The following ESR2 variants were observed in gnomAD, a reference collection of about 807,000 sequenced individuals.
The protein encoded by ESR2 is estrogen receptor 2, also known as estrogen receptor beta.
Under a neutral mutation model 49.6 loss-of-function variants are expected in ESR2, and 36 were observed. The ratio of observed to expected loss-of-function variants is 0.73; its 90% CI spans 0.56 to 0.96. The LOEUF (loss-of-function observed/expected upper bound fraction) is 0.96. ESR2 is among the 40% of genes least tolerant of loss of function. ESR2 has a pLI of 0.00. For synonymous variants in ESR2, 320 were observed against 266.1 expected (o/e 1.20, Z -1.97); for missense variants, 714 against 693.0 (o/e 1.03, Z -0.34).
At chr14:64,268,763 C>A in intron 4 of ESR2, 32 bp downstream of exon 4, 1 of 1,275,382 alleles carries the variant, frequency 7.8e-7, no homozygotes, top group Non-Finnish European at 1.1e-6. Flanking sequence ...TAGCAAGGCC[C>A]ATATTCAATA....
chr14:64,277,962 G>C (rs990896466), intron 3 of ESR2, among the ~76,000 whole-genome samples: 1 of 109,890 alleles, frequency 9.1e-6, no homozygotes, highest in East Asian at 2.7e-4. Context: ...GCAGACCAAT[G>C]TTTCCCCAAA....
At position 64,233,687 on chromosome 14, in the gene ESR2, C is replaced by T. The variant is rs543100206; in HGVS notation, c.1407-364G>A. On this transcript the variant is annotated intron_variant, in intron 8 of 8. Transcript: ENST00000341099. ...AAGCCTCTGGCCACATCTTCATCAG[C>T]TGATCAATACAAAACCTTGTTTTAT... 15 of 220,990 alleles carry T rather than the reference C, an allele frequency of 6.8e-5. No homozygotes were observed. In the South Asian group the frequency reaches 1.6e-3, roughly 23 times the overall value. The allele number at this position is 220,990 out of a possible 1,614,324, so 13.7% of individuals were successfully genotyped here. A position where few individuals can be genotyped will look rare whatever the true frequency, so the allele number is the denominator to read the frequency against.
rs895856972 is a variant in ESR2, at chr14:64,262,109, A to G, written c.653-1361T>C. ...ATTTATATGCTTGTTCTTTGGATTT[A>G]CTTTTTTTTTTTTTTTTTTAAGAGA... On this transcript the variant is annotated intron_variant, in intron 4 of 8. Coordinates refer to ENST00000341099, the MANE Select transcript of ESR2 (RefSeq NM_001437.3). Among the ~76,000 whole-genome samples the G allele has an allele frequency of 2.1e-5, 3 of 140,320 alleles. No individual in the cohort carries two copies. In the South Asian group the frequency reaches 6.6e-4, roughly 31 times the overall value. 92.1% of individuals were successfully genotyped at this position (140,320 alleles called of 152,430 possible). A position where few individuals can be genotyped will look rare whatever the true frequency, so the allele number is the denominator to read the frequency against.
chr14:64,286,827 C>G (rs900244958), intron 1 of ESR2, among the ~76,000 whole-genome samples: 3 of 152,036 alleles, frequency 2.0e-5, no homozygotes, highest in Non-Finnish European at 2.9e-5. Context: ...GGCGATTCCC[C>G]TGCCTCAGCC....
chr14:64,246,734 C>CAAAAAAAAAAACAA (rs2075864644), intron 7 of ESR2, among the ~76,000 whole-genome samples: 1 of 36,434 alleles, frequency 2.7e-5, no homozygotes, highest in Non-Finnish European at 4.5e-5. Flanking sequence ...AAGACTCTGT[C>CAAAAAAAAAAACAA]AAAAAAAAAA....
intron 6 of ESR2, among the ~76,000 whole-genome samples, chr14:64,252,241 G>T (rs2076002503): frequency 1.3e-5 from 2 of 151,792 alleles, no homozygotes; most frequent in Admixed American, 1.3e-4. Context: ...GAGGCCAGGA[G>T]CCCAAGGTTG....
At chr14:64,282,404 T>A (rs1567775009) in intron 2 of ESR2, among the ~76,000 whole-genome samples, 1 of 152,208 alleles carries the variant, frequency 6.6e-6, no homozygotes, top group Non-Finnish European at 1.5e-5. Flanking sequence ...ATAGTCATGA[T>A]AGCAAATTCT....
intron 1 of ESR2, among the ~76,000 whole-genome samples, chr14:64,322,779 T>C (rs1332360097): frequency 6.6e-6 from 1 of 152,208 alleles, no homozygotes; most frequent in African/African-American, 2.4e-5. Flanking sequence ...CTCATATTTG[T>C]CAATTAATCC....
At chr14:64,319,026 G>A (rs1177271558) in intron 1 of ESR2, among the ~76,000 whole-genome samples, 3 of 151,678 alleles carry the variant, frequency 2.0e-5, no homozygotes, top group Admixed American at 2.0e-4. Context: ...TCCAGCCCTG[G>A]TGAAAGAGAG....
In ESR2 at chr14:64,231,880, T is replaced by A. The variant is rs2098727572; in HGVS notation, c.*1257A>T. On this transcript the variant is annotated 3_prime_UTR_variant, in exon 9 of 9. Coordinates refer to ENST00000341099, the MANE Select transcript of ESR2 (RefSeq NM_001437.3). ...GTCATTTCAGAGGTGCCCTTCTTCA[T>A]GTCCTATTTATGTTCCACTTGGAAT... The A allele has an allele frequency of 6.6e-6, 1 of 152,228 alleles. No homozygotes were observed. 9.4% of individuals were successfully genotyped at this position (152,228 alleles called of 1,614,324 possible). A position where few individuals can be genotyped will look rare whatever the true frequency, so the allele number is the denominator to read the frequency against.
intron 1 of ESR2, among the ~76,000 whole-genome samples, chr14:64,309,920 A>C (rs1418458887): frequency 6.6e-6 from 1 of 151,854 alleles, no homozygotes; most frequent in East Asian, 1.9e-4. Flanking sequence ...CGCCGTCTCT[A>C]ATAAAAATAC....
At chr14:64,252,889 C>T (rs1325273954) in intron 6 of ESR2, among the ~76,000 whole-genome samples, 3 of 152,146 alleles carry the variant, frequency 2.0e-5, no homozygotes, top group East Asian at 1.9e-4. Context: ...AGGGTCTCAC[C>T]CCGATGCCCA....
At position 64,230,768 on chromosome 14, in the gene ESR2, A is replaced by C. The variant is rs2098726401; in HGVS notation, c.*2369T>G. 6.6e-6 allele frequency: 1 copy of C among 150,980 alleles called. No individual in the cohort carries two copies. The highest frequency in any genetic ancestry group is 2.4e-5 in the African/African-American group (1 of 40,980). The allele number at this position is 150,980 out of a possible 1,614,324, so 9.4% of individuals were successfully genotyped here. A position where few individuals can be genotyped will look rare whatever the true frequency, so the allele number is the denominator to read the frequency against. The stretch of plus-strand genomic sequence containing the variant: ...AAACTCACTGTGCGGCGCTCCTGAT[A>C]CTGCCCACTCGAGGCTCTAAAGGGA... On this transcript the variant is annotated 3_prime_UTR_variant, in exon 9 of 9. Coordinates refer to ENST00000341099, the MANE Select transcript of ESR2 (RefSeq NM_001437.3).
At chr14:64,335,443 T>A (rs1244830764) in intron 1 of ESR2, among the ~76,000 whole-genome samples, 4 of 152,228 alleles carry the variant, frequency 2.6e-5, no homozygotes, top group Non-Finnish European at 5.9e-5. Context: ...GCCAGTTCAG[T>A]TCCTGGTGAG....
In ESR2 at chr14:64,292,698, AATT is replaced by A. The variant is rs547900034; in HGVS notation, c.-91+1332_-91+1334del. ...ACCTAAAATTATCACATGAATTTTG[AATT>A]ATTATGTGTTCAACATACACTTATA... On this transcript the variant is annotated intron_variant, in intron 1 of 8. Transcript: ENST00000341099. Among the ~76,000 whole-genome samples, 8 of 152,320 alleles carry A rather than the reference AATT, an allele frequency of 5.3e-5. No individual in the cohort carries two copies. The East Asian group carries it at 5.8e-4, about 11-fold the overall frequency.
At chr14:64,284,694 A>G (rs2076753278) in intron 1 of ESR2, among the ~76,000 whole-genome samples, 1 of 152,008 alleles carries the variant, frequency 6.6e-6, no homozygotes, top group Non-Finnish European at 1.5e-5. Flanking sequence ...CTCATTTCCT[A>G]TTTGTGTTAA....
At chr14:64,235,443 C>T (rs938278778) in intron 7 of ESR2, among the ~76,000 whole-genome samples, 4 of 152,212 alleles carry the variant, frequency 2.6e-5, no homozygotes, top group Non-Finnish European at 2.9e-5. Context: ...TCTAGTCTCC[C>T]GAAATCATTA....
At position 64,331,597 on chromosome 14, in the gene ESR2, T is replaced by C. The variant is rs563161238; in HGVS notation, c.-91+6301A>G. ...ATCCCAGCACTTTCGGAGGCCGAGG[T>C]GGGCAGATCACGAGGTCAGGAGTTC... On this transcript the variant is annotated intron_variant, in intron 1 of 8. Coordinates refer to the ESR2 transcript ENST00000358599. 2.0e-5 allele frequency among the ~76,000 whole-genome samples: 3 copies of C among 152,068 alleles called. No individual in the cohort carries two copies. The South Asian group carries it at 6.2e-4, about 32-fold the overall frequency.
chr14:64,285,351 A>G (rs1245091817), intron 1 of ESR2, among the ~76,000 whole-genome samples: 1 of 152,096 alleles, frequency 6.6e-6, no homozygotes, highest in Non-Finnish European at 1.5e-5. Context: ...TTCCACACGA[A>G]TCTCCTGCTG....
Sources: allele counts gnomAD v4.1 joint callset (sites outside exome capture counted in the v4.1 genomes callset), GRCh38; gene constraint gnomAD v4.1.1; transcripts MANE v1.5; gene names NCBI Gene and HGNC (gene_info 2026-07-23, HGNC 2026-07-21).